The following PPP3CC variants were observed in gnomAD, a reference collection of about 807,000 sequenced individuals.
PPP3CC encodes protein phosphatase 3 catalytic subunit gamma.
A neutral mutation model predicts 60.3 loss-of-function variants in PPP3CC; 35 were observed. That is an observed-to-expected ratio of 0.58 (90% confidence interval 0.44 to 0.77). The LOEUF (loss-of-function observed/expected upper bound fraction) is 0.77, where lower values mean the gene tolerates loss of function less well. Ranked by LOEUF, PPP3CC falls within the 30% of genes least tolerant of loss-of-function variation. PPP3CC has a pLI of 0.00. For missense variants in PPP3CC, 570 were observed against 628.9 expected (o/e 0.91, Z 1.00); for synonymous variants, 206 against 224.3 (o/e 0.92, Z 0.73).
chr8:22,514,483 T>A (rs1445809175), intron 6 of PPP3CC, among the ~76,000 whole-genome samples: 2 of 151,826 alleles, frequency 1.3e-5, no homozygotes, highest in Non-Finnish European at 2.9e-5. Flanking sequence ...TTTAAAAAAA[T>A]ATTTTTTAAA....
chr8:22,448,537 A>G (rs1364685550), intron 1 of PPP3CC, among the ~76,000 whole-genome samples: 1 of 151,758 alleles, frequency 6.6e-6, no homozygotes, highest in Non-Finnish European at 1.5e-5. Flanking sequence ...GCACCACCGC[A>G]CTGGGCTAAT....
chr8:22,475,635 A>T lies in PPP3CC; in HGVS notation c.372+11A>T, dbSNP rs974090173. ...TATTTCAGTATAGAGGTAAAAATTA[A>T]ACTGGATATGTTGGGACTATTATAT... On this transcript the variant is annotated intron_variant, in intron 3 of 13. Transcript: ENST00000240139. The T allele has an allele frequency of 3.7e-6, 6 of 1,608,822 alleles. No homozygotes were observed. The highest frequency in any genetic ancestry group is 5.1e-6 in the Non-Finnish European group (6 of 1,177,062).
intron 4 of PPP3CC, among the ~76,000 whole-genome samples, chr8:22,500,073 A>G (rs1838718204): frequency 6.6e-6 from 1 of 152,230 alleles, no homozygotes; most frequent in Non-Finnish European, 1.5e-5. Context: ...TTGTATGTTT[A>G]GAACACACTC....
intron 12 of PPP3CC, 62 bp from the exon 13 acceptor site, chr8:22,539,407 T>C: frequency 6.3e-7 from 1 of 1,586,086 alleles, no homozygotes. Flanking sequence ...ATCAGTGCTG[T>C]TGGTTTACTC....
chr8:22,529,117 A>C (rs1413572980), intron 10 of PPP3CC, among the ~76,000 whole-genome samples: 1 of 152,196 alleles, frequency 6.6e-6, no homozygotes, highest in African/African-American at 2.4e-5. Context: ...GGGAGGAAAA[A>C]CAGTAAATAA....
chr8:22,487,372 C>T (rs1225481506), intron 3 of PPP3CC, among the ~76,000 whole-genome samples: 1 of 152,062 alleles, frequency 6.6e-6, no homozygotes, highest in Non-Finnish European at 1.5e-5. Flanking sequence ...ACCGGTAATC[C>T]TAGCACTTTG....
chr8:22,457,246 T>C (rs886511555), intron 1 of PPP3CC, among the ~76,000 whole-genome samples: 2 of 151,430 alleles, frequency 1.3e-5, no homozygotes, highest in Non-Finnish European at 2.9e-5. Flanking sequence ...AAGAATAGAG[T>C]GCTGCTGTAA....
intron 3 of PPP3CC, among the ~76,000 whole-genome samples, chr8:22,489,729 A>AG (rs1441943212): frequency 1.1e-3 from 78 of 73,122 alleles, no homozygotes; most frequent in Admixed American, 2.0e-3. Flanking sequence ...ATTATATATT[A>AG]TATATATAAT....
intron 1 of PPP3CC, among the ~76,000 whole-genome samples, chr8:22,461,684 A>G (rs988533309): frequency 1.3e-5 from 2 of 152,182 alleles, no homozygotes; most frequent in Non-Finnish European, 2.9e-5. Context: ...AAGGAATAAC[A>G]TACATCAGAA....
At chr8:22,473,569 T>A (rs1419476592) in intron 1 of PPP3CC, among the ~76,000 whole-genome samples, 1 of 151,662 alleles carries the variant, frequency 6.6e-6, no homozygotes, top group African/African-American at 2.4e-5. Context: ...ATTCAAGCAA[T>A]TCTTCTGCCT....
At chr8:22,513,259 G>A (rs753157745) in intron 5 of PPP3CC, 34 bp from the exon 6 acceptor site, 20 of 1,596,628 alleles carry the variant, frequency 1.3e-5, no homozygotes, top group Admixed American at 7.1e-5. Context: ...TTGCTCTCCT[G>A]ATTTTTTTCT....
At position 22,527,534 on chromosome 8, in the gene PPP3CC, A is replaced by C; in HGVS notation, c.1069+17A>C. 6.2e-7 allele frequency: 1 copy of C among 1,612,438 alleles called. No individual in the cohort carries two copies. Among genetic ancestry groups the C allele is most frequent in the South Asian group, 1.1e-5 (1 of 91,042 alleles). On this transcript the variant is annotated intron_variant, in intron 9 of 13. Transcript: ENST00000240139. ...GGGAAAAAGGTAAGAGAACTAAAGC[A>C]CATGTCTCATCAGTTGTTTGGTGAC... is the stretch of plus-strand genomic sequence containing the variant.
chr8:22,447,957 T>C (rs1386517206), intron 1 of PPP3CC, among the ~76,000 whole-genome samples: 1 of 152,246 alleles, frequency 6.6e-6, no homozygotes, highest in East Asian at 1.9e-4. Flanking sequence ...TACTAATTGC[T>C]AACAGTTCAT....
At chr8:22,508,019 T>TG (rs1838976179) in intron 4 of PPP3CC, among the ~76,000 whole-genome samples, 1 of 152,140 alleles carries the variant, frequency 6.6e-6, no homozygotes, top group Non-Finnish European at 1.5e-5. Context: ...TTTGGGAGGC[T>TG]GGGGCAGGAG....
chr8:22,495,461 T>C (rs1256941839), intron 3 of PPP3CC, among the ~76,000 whole-genome samples: 1 of 152,182 alleles, frequency 6.6e-6, no homozygotes, highest in Non-Finnish European at 1.5e-5. Flanking sequence ...AAGTGTATCT[T>C]CAGGGTAGAT....
At chr8:22,450,190 C>G (rs549013690) in intron 1 of PPP3CC, among the ~76,000 whole-genome samples, 1 of 152,070 alleles carries the variant, frequency 6.6e-6, no homozygotes, top group South Asian at 2.1e-4. Flanking sequence ...GTTTTAAAAA[C>G]CCAAAACAAA....
chr8:22,484,655 TC>T (rs1838170273), intron 3 of PPP3CC, among the ~76,000 whole-genome samples: 1 of 152,236 alleles, frequency 6.6e-6, no homozygotes, highest in African/African-American at 2.4e-5. Context: ...CAAGGTCTGT[TC>T]AGTATTTTAT....
rs557597631 is a variant in PPP3CC, at chr8:22,478,026, AT to A, written c.372+2407del. Among the ~76,000 whole-genome samples, 843 of 152,066 alleles carry A rather than the reference AT, an allele frequency of 5.5e-3. 7 individuals are homozygous for A. The highest frequency in any genetic ancestry group is 0.019 in the African/African-American group (785 of 41,474). On this transcript the variant is annotated intron_variant, in intron 3 of 13. Coordinates refer to ENST00000240139, the MANE Select transcript of PPP3CC (RefSeq NM_005605.5). ...CCACCACGTCTGGCTAATTTTTTGT[AT>A]TTTTAGTAGAGACGGGGTTTCACCA...
intron 3 of PPP3CC, among the ~76,000 whole-genome samples, chr8:22,481,345 A>AAAAAATAAT (rs899585708): frequency 9.7e-5 from 14 of 144,004 alleles, no homozygotes; most frequent in African/African-American, 3.6e-4. Context: ...CAAGAAAAAT[A>AAAAAATAAT]AATAATAATA....
Sources: gnomAD v4.1 joint callset for allele counts (sites outside exome capture counted in the v4.1 genomes callset) on GRCh38, gnomAD v4.1.1 for gene constraint, MANE v1.5 for transcripts, NCBI Gene and HGNC (gene_info 2026-07-23, HGNC 2026-07-21) for gene names.